CACNG3: variants seen among roughly 807,000 people sequenced by gnomAD.
CACNG3 encodes the protein calcium voltage-gated channel auxiliary subunit gamma 3, also known as voltage-dependent calcium channel gamma-3 subunit.
CACNG3 carries 3 observed loss-of-function variants against 28.5 expected under a neutral mutation model. The observed-to-expected ratio is 0.11, with a 90% CI of 0.05 to 0.27. CACNG3 has a LOEUF of 0.27. CACNG3 is among the 10% of genes least tolerant of loss of function. The probability of loss-of-function intolerance (pLI) is 1.00; values close to 1 mark genes in which losing one functional copy is unlikely to be tolerated. For missense variants in CACNG3, 236 were observed against 414.4 expected, an observed-to-expected ratio of 0.57 and a Z score of 3.74; for synonymous variants, 174 against 162.2, an observed-to-expected ratio of 1.07 and a Z score of -0.55.
chr16:24,263,497 T>A (rs1380829588), intron 1 of CACNG3, among the ~76,000 whole-genome samples: 2 of 152,228 alleles, frequency 1.3e-5, no homozygotes, highest in African/African-American at 4.8e-5. Flanking sequence ...TTTTCTCCCA[T>A]CTCATAACCC....
At chr16:24,276,057 C>G (rs9922364) in intron 1 of CACNG3, among the ~76,000 whole-genome samples, 1 of 152,084 alleles carries the variant, frequency 6.6e-6, no homozygotes, top group South Asian at 2.1e-4. Flanking sequence ...AAATACTGCT[C>G]TATTTGTCAA....
At chr16:24,331,133 G>A (rs1202177535) in intron 1 of CACNG3, among the ~76,000 whole-genome samples, 19 of 152,090 alleles carry the variant, frequency 1.2e-4, no homozygotes, top group Admixed American at 1.2e-3. Flanking sequence ...TACTGTGTTG[G>A]TGAACATGCC....
chr16:24,308,543 T>C (rs1162625793), intron 1 of CACNG3, among the ~76,000 whole-genome samples: 2 of 152,092 alleles, frequency 1.3e-5, no homozygotes, highest in African/African-American at 2.4e-5. Flanking sequence ...CCTGAACCCA[T>C]TGTAAGCACT....
intron 1 of CACNG3, among the ~76,000 whole-genome samples, chr16:24,268,664 A>G (rs1448045775): frequency 6.6e-6 from 1 of 152,194 alleles, no homozygotes; most frequent in Non-Finnish European, 1.5e-5. Context: ...ATTTTTCTTT[A>G]AAAAAGTAAC....
At chr16:24,265,447 A>AAG (rs3060121) in intron 1 of CACNG3, among the ~76,000 whole-genome samples, 70 of 149,226 alleles carry the variant, frequency 4.7e-4, no homozygotes, top group African/African-American at 7.2e-4. Context: ...GAGAGAAAGA[A>AAG]AAAGAAAGAA....
intron 1 of CACNG3, among the ~76,000 whole-genome samples, chr16:24,280,719 A>G (rs1393695650): frequency 6.6e-6 from 1 of 151,036 alleles, no homozygotes; most frequent in Non-Finnish European, 1.5e-5. Flanking sequence ...GGGAGGCTGA[A>G]GCATGAAAAT....
intron 1 of CACNG3, among the ~76,000 whole-genome samples, chr16:24,277,733 T>C (rs986691603): frequency 2.7e-5 from 4 of 149,088 alleles, no homozygotes; most frequent in Admixed American, 2.0e-4. Flanking sequence ...TGAGCAGAGA[T>C]TGCACCACTG....
At chr16:24,293,214 G>A (rs1225650584) in intron 1 of CACNG3, among the ~76,000 whole-genome samples, 1 of 152,212 alleles carries the variant, frequency 6.6e-6, no homozygotes, top group Non-Finnish European at 1.5e-5. Flanking sequence ...CTTAGCTCTA[G>A]TCTCAGCTCT....
At chr16:24,346,885 T>G in intron 2 of CACNG3, 68 bp downstream of exon 2, 4 of 1,234,478 alleles carry the variant, frequency 3.2e-6, no homozygotes, top group Non-Finnish European at 4.8e-6. Flanking sequence ...CTCAGCTGCC[T>G]CTGAGTCGGA....
At chr16:24,277,502 C>T (rs888848162) in intron 1 of CACNG3, among the ~76,000 whole-genome samples, 3 of 152,090 alleles carry the variant, frequency 2.0e-5, no homozygotes, top group Admixed American at 1.3e-4. Context: ...GAGCTGAGTG[C>T]GGTGGCTTAC....
At chr16:24,322,910 A>G (rs1375916883) in intron 1 of CACNG3, among the ~76,000 whole-genome samples, 3 of 152,016 alleles carry the variant, frequency 2.0e-5, no homozygotes, top group African/African-American at 7.2e-5. Flanking sequence ...CAATCCACTC[A>G]CATATATTTT....
Position 24,354,991 on chromosome 16 carries a change from GC to G in CACNG3, c.436+21del, listed in dbSNP as rs1284241344. 6.2e-7 allele frequency: 1 copy of G among 1,606,016 alleles called. No individual in the cohort carries two copies. Among genetic ancestry groups the G allele is most frequent in the East Asian group, 2.2e-5 (1 of 44,600 alleles). On this transcript the variant is annotated intron_variant, in intron 3 of 3. Coordinates refer to ENST00000005284, the MANE Select transcript of CACNG3 (RefSeq NM_006539.4). ...CTCTGCAGGTGAGTGTCTGGCCCCA[GC>G]CCTGAGATCTTCACAGATACCAAAC...
At chr16:24,286,489 C>G (rs1898896465) in intron 1 of CACNG3, among the ~76,000 whole-genome samples, 1 of 151,518 alleles carries the variant, frequency 6.6e-6, no homozygotes, top group Non-Finnish European at 1.5e-5. Context: ...AAGGAGATCC[C>G]CTAGAATGGA....
At chr16:24,294,602 T>C (rs1567212110) in intron 1 of CACNG3, among the ~76,000 whole-genome samples, 1 of 152,204 alleles carries the variant, frequency 6.6e-6, no homozygotes, top group Non-Finnish European at 1.5e-5. Context: ...GGTCTCACTA[T>C]GTTGCTTAGG....
At chr16:24,341,950 T>C (rs905972790) in intron 1 of CACNG3, among the ~76,000 whole-genome samples, 3 of 152,190 alleles carry the variant, frequency 2.0e-5, no homozygotes, top group African/African-American at 7.2e-5. Context: ...CAGTTTTTAA[T>C]GTGAAATATT....
intron 1 of CACNG3, among the ~76,000 whole-genome samples, chr16:24,290,923 C>T (rs1898957468): frequency 6.6e-6 from 1 of 152,130 alleles, no homozygotes; most frequent in African/African-American, 2.4e-5. Flanking sequence ...TGATGTGTCA[C>T]ATAATAAAAT....
rs543268030 is a variant in CACNG3 at position 24,301,001 on chromosome 16, T to C, written c.211+44036T>C. Among the ~76,000 whole-genome samples the C allele has an allele frequency of 2.5e-4, 36 of 146,156 alleles. No homozygotes were observed. The South Asian group carries it at 7.5e-3, about 31-fold the overall frequency. On this transcript the variant is annotated intron_variant, in intron 1 of 3. Transcript: ENST00000005284. ...GAGGTTGCAGTGAGCCGAGATCATG[T>C]CACTGCACTCCAGCCTGGGTGACAA...
intron 1 of CACNG3, among the ~76,000 whole-genome samples, chr16:24,276,763 G>C (rs1567208624): frequency 6.6e-6 from 1 of 152,190 alleles, no homozygotes; most frequent in Non-Finnish European, 1.5e-5. Context: ...AGGATTCATA[G>C]CATCTTGTGT....
chr16:24,346,909 C>T, intron 2 of CACNG3, 92 bp downstream of exon 2: 1 of 955,232 alleles, frequency 1.0e-6, no homozygotes, highest in Non-Finnish European at 1.7e-6. Flanking sequence ...TCCTCAGCAT[C>T]TGTCCCTAGA....
Sources: gnomAD v4.1 joint callset for allele counts (sites outside exome capture counted in the v4.1 genomes callset) on GRCh38, gnomAD v4.1.1 for gene constraint, MANE v1.5 for transcripts, NCBI Gene and HGNC (gene_info 2026-07-23, HGNC 2026-07-21) for gene names.